CNTNAP2: variants seen among roughly 807,000 people sequenced by gnomAD.
CNTNAP2 encodes contactin associated protein 2.
Under a neutral mutation model 155.2 loss-of-function variants are expected in CNTNAP2, and 98 were observed. The observed-to-expected ratio is 0.63, with a 90% CI of 0.54 to 0.75. The LOEUF (loss-of-function observed/expected upper bound fraction) is 0.75, where lower values mean the gene tolerates loss of function less well. Ranked by LOEUF, CNTNAP2 falls within the 30% of genes least tolerant of loss-of-function variation. The probability of loss-of-function intolerance (pLI) is 0.00; values close to 1 mark genes in which losing one functional copy is unlikely to be tolerated. For missense variants in CNTNAP2, 1,727 were observed against 1,688.1 expected (o/e 1.02, Z -0.40); for synonymous variants, 651 against 631.2 (o/e 1.03, Z -0.47).
intron 18 of CNTNAP2, among the ~76,000 whole-genome samples, chr7:148,174,235 C>A (rs1562983959): frequency 6.6e-6 from 1 of 152,200 alleles, no homozygotes; most frequent in Non-Finnish European, 1.5e-5. Context: ...GAGTCAAGTA[C>A]CTCCTTGACT....
At chr7:146,295,874 C>CA (rs112015205) in intron 1 of CNTNAP2, among the ~76,000 whole-genome samples, 15,183 of 106,930 alleles carry the variant, frequency 0.14, 2,254 homozygotes, top group African/African-American at 0.39. Flanking sequence ...GACTCCATCT[C>CA]AAAAAAAAAA....
intron 1 of CNTNAP2, among the ~76,000 whole-genome samples, chr7:146,555,035 A>G (rs1391994355): frequency 6.6e-6 from 1 of 152,202 alleles, no homozygotes; most frequent in Admixed American, 6.5e-5. Context: ...GAGATAGTGG[A>G]TGAAATCTTG....
chr7:146,615,232 C>T (rs1013004704), intron 1 of CNTNAP2, among the ~76,000 whole-genome samples: 1 of 152,116 alleles, frequency 6.6e-6, no homozygotes, highest in African/African-American at 2.4e-5. Flanking sequence ...AGTACACAAT[C>T]ATTAAACTAA....
At chr7:147,169,145 TTTATCTATACGAC>T (rs2116471994) in intron 8 of CNTNAP2, among the ~76,000 whole-genome samples, 1 of 152,316 alleles carries the variant, frequency 6.6e-6, no homozygotes, top group Non-Finnish European at 1.5e-5. Context: ...ACATTTTCCA[TTTATCTATACGAC>T]TCTAATGAAA....
At chr7:147,613,166 T>G (rs1251394448) in intron 12 of CNTNAP2, among the ~76,000 whole-genome samples, 1 of 152,204 alleles carries the variant, frequency 6.6e-6, no homozygotes, top group Non-Finnish European at 1.5e-5. Flanking sequence ...AGCCACATTT[T>G]TAAGTATTTG....
intron 8 of CNTNAP2, among the ~76,000 whole-genome samples, chr7:147,177,058 A>G (rs1048246085): frequency 6.9e-6 from 1 of 145,262 alleles, no homozygotes; most frequent in African/African-American, 2.6e-5. Flanking sequence ...TATATTCTGT[A>G]TAATACATAC....
At chr7:148,019,726 G>A (rs943842626) in intron 15 of CNTNAP2, among the ~76,000 whole-genome samples, 14 of 152,168 alleles carry the variant, frequency 9.2e-5, no homozygotes, top group African/African-American at 3.1e-4. Flanking sequence ...CAAAGTGCTG[G>A]GGTTACAGGT....
At chr7:147,228,344 A>G (rs1413390112) in intron 8 of CNTNAP2, among the ~76,000 whole-genome samples, 1 of 152,192 alleles carries the variant, frequency 6.6e-6, no homozygotes, top group African/African-American at 2.4e-5. Context: ...GAAATGAATC[A>G]GTGGAGGCTA....
chr7:146,352,987 C>G (rs1357919026), intron 1 of CNTNAP2, among the ~76,000 whole-genome samples: 1 of 151,928 alleles, frequency 6.6e-6, no homozygotes, highest in Non-Finnish European at 1.5e-5. Flanking sequence ...ATCTCCTGAC[C>G]TCGTGATCTG....
intron 13 of CNTNAP2, among the ~76,000 whole-genome samples, chr7:147,647,723 A>G (rs1294487747): frequency 6.6e-6 from 1 of 152,170 alleles, no homozygotes; most frequent in African/African-American, 2.4e-5. Flanking sequence ...GAAAAACACT[A>G]ATTTTAAAAG....
intron 1 of CNTNAP2, among the ~76,000 whole-genome samples, chr7:146,519,108 T>C (rs1197448881): frequency 6.6e-6 from 1 of 151,902 alleles, no homozygotes; most frequent in Middle Eastern, 3.2e-3. Flanking sequence ...AAAATGACTA[T>C]GTCATGTCCG....
At chr7:147,222,522 A>G (rs1352379649) in intron 8 of CNTNAP2, among the ~76,000 whole-genome samples, 1 of 152,090 alleles carries the variant, frequency 6.6e-6, no homozygotes, top group Non-Finnish European at 1.5e-5. Flanking sequence ...GCATATTATC[A>G]TAATTGTTTT....
At chr7:146,506,359 T>A (rs1797385275) in intron 1 of CNTNAP2, among the ~76,000 whole-genome samples, 1 of 152,200 alleles carries the variant, frequency 6.6e-6, no homozygotes, top group Admixed American at 6.5e-5. Flanking sequence ...CGCTGGGCAT[T>A]TCTGGCAGAC....
chr7:146,532,851 G>C (rs189659557), intron 1 of CNTNAP2, among the ~76,000 whole-genome samples: 1 of 151,960 alleles, frequency 6.6e-6, no homozygotes, highest in African/African-American at 2.4e-5. Flanking sequence ...TTGGGAGGCC[G>C]AGGCGGGCGG....
At chr7:146,614,857 A>G (rs1799198407) in intron 1 of CNTNAP2, among the ~76,000 whole-genome samples, 1 of 152,212 alleles carries the variant, frequency 6.6e-6, no homozygotes, top group Non-Finnish European at 1.5e-5. Context: ...TCATTACCGT[A>G]TGGATACAAA....
intron 18 of CNTNAP2, among the ~76,000 whole-genome samples, chr7:148,183,649 GTTTTTAA>G (rs565815635): frequency 2.1e-3 from 322 of 151,762 alleles, no homozygotes; most frequent in African/African-American, 7.1e-3. Context: ...ACCCTGCTAA[GTTTTTAA>G]TTTTTTGTAG....
At chr7:147,447,786 T>G (rs1046812069) in intron 10 of CNTNAP2, among the ~76,000 whole-genome samples, 1 of 151,764 alleles carries the variant, frequency 6.6e-6, no homozygotes, top group Non-Finnish European at 1.5e-5. Flanking sequence ...AATGAATATA[T>G]GTAAATAAAT....
chr7:147,305,462 T>G (rs913578252), intron 9 of CNTNAP2, among the ~76,000 whole-genome samples: 39 of 152,188 alleles, frequency 2.6e-4, no homozygotes, highest in African/African-American at 9.4e-4. Flanking sequence ...ATCCTTGGTT[T>G]GGCTCATCCA....
At chr7:146,387,268 G>T (rs1795474798) in intron 1 of CNTNAP2, among the ~76,000 whole-genome samples, 1 of 152,104 alleles carries the variant, frequency 6.6e-6, no homozygotes, top group Non-Finnish European at 1.5e-5. Context: ...GGAGGTCATA[G>T]TTAGAGCAGA....
Sources: allele counts gnomAD v4.1 joint callset (sites outside exome capture counted in the v4.1 genomes callset), GRCh38; gene constraint gnomAD v4.1.1; transcripts MANE v1.5; gene names NCBI Gene and HGNC (gene_info 2026-07-23, HGNC 2026-07-21).